DNAH5: variants seen among roughly 807,000 people sequenced by gnomAD.
DNAH5 encodes the protein dynein axonemal heavy chain 5, also known as axonemal beta dynein heavy chain 5.
DNAH5 carries 372 observed loss-of-function variants against 518.2 expected under a neutral mutation model. The observed-to-expected ratio is 0.72, with a 90% CI of 0.66 to 0.78. The LOEUF (loss-of-function observed/expected upper bound fraction) is 0.78. Among genes scored for constraint, DNAH5 ranks in the 30% least tolerant of loss-of-function variants. The pLI, the probability that DNAH5 is intolerant of heterozygous loss-of-function variation, is 0.00. For missense variants in DNAH5, 5,523 were observed against 5,687.0 expected (o/e 0.97, Z 0.93); for synonymous variants, 2,039 against 2,025.9 (o/e 1.01, Z -0.17).
At chr5:13,990,754 C>T (rs547826522) in intron 1 of DNAH5, among the ~76,000 whole-genome samples, 2 of 152,032 alleles carry the variant, frequency 1.3e-5, no homozygotes, top group South Asian at 4.1e-4. Flanking sequence ...GTAATCCCAG[C>T]TACTTGGGAG....
At chr5:13,887,070 T>C (rs1772541932) in intron 17 of DNAH5, among the ~76,000 whole-genome samples, 1 of 152,192 alleles carries the variant, frequency 6.6e-6, no homozygotes, top group Admixed American at 6.5e-5. Flanking sequence ...GAGAGAACAC[T>C]AATATTTTTT....
At chr5:13,834,744 G>C (rs564508804) in intron 35 of DNAH5, among the ~76,000 whole-genome samples, 1 of 152,206 alleles carries the variant, frequency 6.6e-6, no homozygotes, top group Non-Finnish European at 1.5e-5. Context: ...GCAGGGCTGC[G>C]CCACAGCTGT....
intron 16 of DNAH5, among the ~76,000 whole-genome samples, chr5:13,893,942 C>G (rs928162208): frequency 6.6e-6 from 1 of 151,058 alleles, no homozygotes; most frequent in Non-Finnish European, 1.5e-5. Context: ...ACCATTACCA[C>G]GTTCCAAACT....
At chr5:13,991,517 A>AGAGGAGGG (rs1162445091) in intron 1 of DNAH5, among the ~76,000 whole-genome samples, 2 of 125,668 alleles carry the variant, frequency 1.6e-5, no homozygotes, top group Non-Finnish European at 3.3e-5. Context: ...AGAAGGAGGA[A>AGAGGAGGG]GAGGAGGGGA....
intron 47 of DNAH5, among the ~76,000 whole-genome samples, chr5:13,805,917 G>A (rs952055369): frequency 2.6e-5 from 4 of 152,148 alleles, no homozygotes; most frequent in African/African-American, 7.2e-5. Context: ...GTCTTGTGGG[G>A]ACTCGGCCCT....
chr5:13,837,692 CT>C (rs534618242), intron 35 of DNAH5, among the ~76,000 whole-genome samples: 250 of 95,110 alleles, frequency 2.6e-3, no homozygotes, highest in South Asian at 5.0e-3. Context: ...GGGAACTCCA[CT>C]TTTTTTTTTT....
chr5:13,793,477 T>A, intron 49 of DNAH5, 38 bp downstream of exon 49: 1 of 1,567,744 alleles, frequency 6.4e-7, no homozygotes, highest in South Asian at 1.1e-5. Context: ...GCAGGTGTTC[T>A]TCCTCACCCT....
At chr5:13,930,457 A>T (rs189283754) in intron 2 of DNAH5, among the ~76,000 whole-genome samples, 2 of 152,290 alleles carry the variant, frequency 1.3e-5, no homozygotes, top group African/African-American at 4.8e-5. Context: ...CCCTGTCAGC[A>T]AAAAGGGCTT....
intron 70 of DNAH5, among the ~76,000 whole-genome samples, chr5:13,724,303 G>A (rs1745438716): frequency 6.6e-6 from 1 of 152,204 alleles, no homozygotes; most frequent in Admixed American, 6.5e-5. Context: ...GCCCTGCTGT[G>A]TTTCAGACTT....
At chr5:13,749,782 A>C (rs916309136) in intron 65 of DNAH5, among the ~76,000 whole-genome samples, 2 of 152,196 alleles carry the variant, frequency 1.3e-5, no homozygotes, top group Non-Finnish European at 2.9e-5. Flanking sequence ...CTATTGCTCA[A>C]GAATCCCAGT....
At chr5:13,726,478 T>C (rs1162327629) in intron 70 of DNAH5, among the ~76,000 whole-genome samples, 5 of 152,206 alleles carry the variant, frequency 3.3e-5, no homozygotes, top group Non-Finnish European at 5.9e-5. Context: ...AATTTCAGCA[T>C]TGAAGCAAAT....
chr5:13,778,511 G>GGAGGGAGT (rs1754463837), intron 53 of DNAH5, among the ~76,000 whole-genome samples: 1 of 129,334 alleles, frequency 7.7e-6, no homozygotes, highest in Non-Finnish European at 1.6e-5. Flanking sequence ...AGGGAGGGAG[G>GGAGGGAGT]GAGGGGAGAG....
chr5:13,903,210 A>G (rs1774891442), intron 12 of DNAH5, among the ~76,000 whole-genome samples: 1 of 152,190 alleles, frequency 6.6e-6, no homozygotes, highest in Non-Finnish European at 1.5e-5. Flanking sequence ...AATTCAAAAT[A>G]CAATAGATGC....
intron 78 of DNAH5, among the ~76,000 whole-genome samples, chr5:13,694,667 A>G (rs540376334): frequency 6.6e-6 from 1 of 152,310 alleles, no homozygotes; most frequent in African/African-American, 2.4e-5. Flanking sequence ...GTGAGTATAC[A>G]TTCCATATAT....
chr5:13,859,692 T>C, intron 29 of DNAH5, 87 bp from the exon 30 acceptor site: 1 of 1,348,740 alleles, frequency 7.4e-7, no homozygotes, highest in Non-Finnish European at 1.1e-6. Context: ...ATCTTAATTT[T>C]TAACCGCTTT....
At chr5:13,740,795 C>T (rs538362223) in intron 65 of DNAH5, among the ~76,000 whole-genome samples, 273 of 152,310 alleles carry the variant, frequency 1.8e-3, no homozygotes, top group Admixed American at 3.2e-3. Context: ...GTAAGCCCCA[C>T]TGTGACCACC....
rs974353392 is a variant in DNAH5, at chr5:13,911,599, A to T, written c.1537-106T>A. ...CTATACAATAATTGCCAGAAAAAAA[A>T]TAAGTTTAAAGGAAGCCTTATTTTT... On this transcript the variant is annotated intron_variant, in intron 11 of 78. Transcript: ENST00000265104. The T allele has an allele frequency of 4.0e-5, 37 of 917,520 alleles. No homozygotes were observed. In the African/African-American group the frequency reaches 5.1e-4, roughly 13 times the overall value. 56.8% of individuals were successfully genotyped at this position (917,520 alleles called of 1,614,324 possible).
intron 44 of DNAH5, 107 bp downstream of exon 44, chr5:13,811,540 C>T: frequency 9.1e-7 from 1 of 1,095,722 alleles, no homozygotes; most frequent in Middle Eastern, 2.0e-4. Context: ...AAATATAGTA[C>T]TCTCTGTATA....
intron 1 of DNAH5, among the ~76,000 whole-genome samples, chr5:13,933,116 A>G (rs536903383): frequency 6.6e-6 from 1 of 152,354 alleles, no homozygotes; most frequent in Non-Finnish European, 1.5e-5. Flanking sequence ...TGTGGGACAA[A>G]ATAACTTCTC....
Sources: allele counts gnomAD v4.1 joint callset (sites outside exome capture counted in the v4.1 genomes callset), GRCh38; gene constraint gnomAD v4.1.1; transcripts MANE v1.5; gene names NCBI Gene and HGNC (gene_info 2026-07-23, HGNC 2026-07-21).